Variants in KLF12 observed in about 807,000 individuals in gnomAD.
The protein encoded by KLF12 is Krueppel-like factor 12.
Under a neutral mutation model 37.8 loss-of-function variants are expected in KLF12, and 9 were observed. That is an observed-to-expected ratio of 0.24 (90% CI 0.14 to 0.42). The LOEUF (loss-of-function observed/expected upper bound fraction) is 0.42, where lower values mean the gene tolerates loss of function less well. Ranked by LOEUF, KLF12 falls within the 10% of genes least tolerant of loss-of-function variation. The probability of loss-of-function intolerance (pLI) is 1.00; values close to 1 mark genes in which losing one functional copy is unlikely to be tolerated. For missense variants in KLF12, 411 were observed against 516.0 expected (o/e 0.80, Z 1.97); for synonymous variants, 208 against 202.1 (o/e 1.03, Z -0.25).
chr13:73,915,665 A>G (rs1034692165), intron 3 of KLF12, among the ~76,000 whole-genome samples: 2 of 144,834 alleles, frequency 1.4e-5, no homozygotes, highest in Non-Finnish European at 3.0e-5. Flanking sequence ...GGCACCTGCC[A>G]CCACGCCCAG....
chr13:73,699,257 C>A (rs551056532), intron 7 of KLF12, among the ~76,000 whole-genome samples: 3 of 144,056 alleles, frequency 2.1e-5, no homozygotes, highest in African/African-American at 7.7e-5. Context: ...CAGTGGCTCA[C>A]ATCTGCAGCC....
intron 6 of KLF12, among the ~76,000 whole-genome samples, chr13:73,762,683 C>T (rs1203666876): frequency 6.6e-6 from 1 of 152,138 alleles, no homozygotes. Context: ...CTACAAATTA[C>T]CCAGTTGATA....
intron 2 of KLF12, among the ~76,000 whole-genome samples, chr13:73,975,904 T>C (rs923055110): frequency 1.3e-5 from 2 of 152,180 alleles, no homozygotes; most frequent in East Asian, 3.9e-4. Context: ...CAAATTTAGG[T>C]TGGGCGATCC....
At chr13:73,915,505 T>C (rs1490922482) in intron 3 of KLF12, among the ~76,000 whole-genome samples, 1 of 151,792 alleles carries the variant, frequency 6.6e-6, no homozygotes, top group Non-Finnish European at 1.5e-5. Context: ...CAGGCTTCTT[T>C]TTCAGTTTTG....
chr13:74,219,156 A>C, the KLF12 span, among the ~76,000 whole-genome samples: 4 of 152,082 alleles, frequency 2.6e-5, no homozygotes, highest in Admixed American at 6.5e-5. Flanking sequence ...AGGTTTCACC[A>C]CATTGGCCAG....
intron 1 of KLF12, among the ~76,000 whole-genome samples, chr13:74,003,807 A>G (rs1892343490): frequency 6.6e-6 from 1 of 152,234 alleles, no homozygotes. Context: ...ATCCTGAAGA[A>G]TAAGTTATGT....
the KLF12 span, among the ~76,000 whole-genome samples, chr13:74,174,608 A>G: frequency 1.3e-5 from 2 of 151,980 alleles, no homozygotes; most frequent in Non-Finnish European, 2.9e-5. Context: ...TGTTCCTGCC[A>G]CTGCCCCTAA....
chr13:73,873,724 A>T (rs1372331732), intron 3 of KLF12, among the ~76,000 whole-genome samples: 2 of 152,196 alleles, frequency 1.3e-5, no homozygotes, highest in East Asian at 3.8e-4. Context: ...TGTTCCAGGT[A>T]AAAAAGACAT....
intron 3 of KLF12, among the ~76,000 whole-genome samples, chr13:73,862,792 T>C (rs889838689): frequency 1.8e-4 from 28 of 152,186 alleles, no homozygotes; most frequent in African/African-American, 6.8e-4. Context: ...GGCACATTAA[T>C]CACTTCTTTG....
the KLF12 span, among the ~76,000 whole-genome samples, chr13:74,297,130 C>T: frequency 6.6e-6 from 1 of 152,108 alleles, no homozygotes; most frequent in Admixed American, 6.6e-5. Flanking sequence ...CATAGACATT[C>T]AGTTGGGCCT....
intron 5 of KLF12, among the ~76,000 whole-genome samples, chr13:73,771,059 A>G (rs968683670): frequency 1.3e-5 from 2 of 152,100 alleles, no homozygotes; most frequent in African/African-American, 4.8e-5. Flanking sequence ...GGGCAGTGAC[A>G]CTAGATGTTC....
chr13:74,226,939 C>T, the KLF12 span, among the ~76,000 whole-genome samples: 90 of 152,204 alleles, frequency 5.9e-4, no homozygotes, highest in South Asian at 3.3e-3. Flanking sequence ...GAAAGAGTCT[C>T]CTAACAGATT....
chr13:73,702,434 T>C (rs899016581), intron 7 of KLF12, among the ~76,000 whole-genome samples: 1 of 152,166 alleles, frequency 6.6e-6, no homozygotes, highest in Admixed American at 6.5e-5. Flanking sequence ...TGCTGAAAGG[T>C]ACATGTGTAC....
At chr13:73,780,722 A>C (rs1018431616) in intron 5 of KLF12, among the ~76,000 whole-genome samples, 2 of 152,182 alleles carry the variant, frequency 1.3e-5, no homozygotes, top group Admixed American at 1.3e-4. Context: ...TCGGCCTCCC[A>C]AAGTGCTGGG....
At chr13:73,902,361 C>A (rs1188192154) in intron 3 of KLF12, among the ~76,000 whole-genome samples, 3 of 152,154 alleles carry the variant, frequency 2.0e-5, no homozygotes, top group Non-Finnish European at 4.4e-5. Context: ...CCAGACATTG[C>A]AATTGGCCTT....
rs139596957 is a variant in KLF12 at position 73,733,068 on chromosome 13, T to A, written c.870-17543A>T. ...CATACTCATCTCTTATCTGGCTACC[T>A]GCTATAGGATCTAACTGGAATCCCT... is the stretch of plus-strand genomic sequence containing the variant. On this transcript the variant is annotated intron_variant, in intron 6 of 7. Coordinates refer to ENST00000377669, the MANE Select transcript of KLF12 (RefSeq NM_007249.5). Among the ~76,000 whole-genome samples, 482 of 152,318 alleles carry A rather than the reference T, an allele frequency of 3.2e-3. 2 individuals carry two copies. Among genetic ancestry groups the A allele is most frequent in the African/African-American group, 0.011 (458 of 41,566 alleles).
the KLF12 span, among the ~76,000 whole-genome samples, chr13:74,151,416 C>T: frequency 1.3e-5 from 2 of 152,066 alleles, no homozygotes; most frequent in Admixed American, 6.6e-5. Context: ...TTAGGGAGCC[C>T]GAGGTGGGCG....
chr13:73,948,229 T>A (rs995784490), intron 2 of KLF12, among the ~76,000 whole-genome samples: 5 of 128,160 alleles, frequency 3.9e-5, no homozygotes, highest in Non-Finnish European at 6.5e-5. Flanking sequence ...TAGCAGATTC[T>A]TTTTTTTTTT....
At chr13:73,795,710 G>A (rs1482947688) in intron 5 of KLF12, among the ~76,000 whole-genome samples, 7 of 152,054 alleles carry the variant, frequency 4.6e-5, no homozygotes, top group South Asian at 2.1e-4. Flanking sequence ...GATAAGAGAC[G>A]GAAGGTTAGA....
Sources: gnomAD v4.1 joint callset for allele counts (sites outside exome capture counted in the v4.1 genomes callset) on GRCh38, gnomAD v4.1.1 for gene constraint, MANE v1.5 for transcripts, NCBI Gene and HGNC (gene_info 2026-07-23, HGNC 2026-07-21) for gene names.